Variants in EXD1 observed in about 807,000 individuals in gnomAD.
EXD1 encodes exonuclease 3'-5' domain containing 1.
A neutral mutation model predicts 49.1 loss-of-function variants in EXD1; 63 were observed. The observed-to-expected ratio is 1.28, with a 90% CI of 1.05 to 1.58. The LOEUF (loss-of-function observed/expected upper bound fraction) is 1.58, where lower values mean the gene tolerates loss of function less well. Among genes scored for constraint, EXD1 ranks in the 40% most tolerant of loss-of-function variants. EXD1 has a pLI of 0.00. For missense variants in EXD1, 748 were observed against 666.0 expected (o/e 1.12, Z -1.36); for synonymous variants, 234 against 239.2 (o/e 0.98, Z 0.20).
chr15:41,186,476 A>AAAAAAAAAAAAAAAT (rs1450159952), intron 11 of EXD1, among the ~76,000 whole-genome samples: 1 of 150,966 alleles, frequency 6.6e-6, no homozygotes, highest in South Asian at 2.1e-4. Context: ...GTCTCAAAAA[A>AAAAAAAAAAAAAAAT]AAAAAAAAAA....
At chr15:41,185,949 T>C (rs1218095944) in intron 11 of EXD1, among the ~76,000 whole-genome samples, 1 of 152,236 alleles carries the variant, frequency 6.6e-6, no homozygotes, top group African/African-American at 2.4e-5. Flanking sequence ...CTTCAGTTTT[T>C]AGTTGTATAG....
intron 9 of EXD1, 112 bp downstream of exon 9, chr15:41,195,663 C>CAA (rs33987701): frequency 0.025 from 13,744 of 546,658 alleles, no homozygotes; most frequent in South Asian, 0.035. Flanking sequence ...AATGGAGCAC[C>CAA]AAAAAAAAAA....
intron 5 of EXD1, 25 bp from the exon 6 acceptor site, chr15:41,215,858 T>A: frequency 6.2e-7 from 1 of 1,607,964 alleles, no homozygotes; most frequent in Non-Finnish European, 8.5e-7. Flanking sequence ...TTGCATTAGA[T>A]ATATTTCTCT....
In EXD1 at chr15:41,230,743, C is replaced by T. The variant is rs777754459; in HGVS notation, c.-318G>A. The T allele has an allele frequency of 5.1e-6, 3 of 583,746 alleles. No homozygotes were observed. The highest frequency in any genetic ancestry group is 6.2e-5 in the Admixed American group (2 of 32,166). 36.2% of individuals were successfully genotyped at this position (583,746 alleles called of 1,614,324 possible). The stretch of plus-strand genomic sequence containing the variant: ...CAGAGGCGACGCCCGCCCGGCCCAA[C>T]GTCCAGTCTCGTCTGTTTCCCGAGG... On this transcript the variant is annotated 5_prime_UTR_variant, in exon 1 of 12. Transcript: ENST00000458580.
chr15:41,217,895 A>G (rs1034381856), intron 3 of EXD1, among the ~76,000 whole-genome samples: 2 of 152,158 alleles, frequency 1.3e-5, no homozygotes, highest in Middle Eastern at 3.2e-3. Context: ...TCTCTGTACT[A>G]TCTAGAAGTA....
intron 2 of EXD1, among the ~76,000 whole-genome samples, chr15:41,221,514 T>C (rs946661149): frequency 6.6e-6 from 1 of 151,836 alleles, no homozygotes; most frequent in Non-Finnish European, 1.5e-5. Context: ...GCTCAAGCCA[T>C]CCTTCCACCT....
intron 11 of EXD1, among the ~76,000 whole-genome samples, chr15:41,187,442 AT>A (rs2046429921): frequency 1.3e-5 from 2 of 152,302 alleles, no homozygotes; most frequent in South Asian, 4.1e-4. Flanking sequence ...GGACTTGAGC[AT>A]TATGGGTTTT....
intron 2 of EXD1, among the ~76,000 whole-genome samples, chr15:41,225,445 C>G (rs577028302): frequency 6.6e-6 from 1 of 151,830 alleles, no homozygotes; most frequent in East Asian, 1.9e-4. Context: ...ATTAGCCAGA[C>G]TTGGTGATGG....
chr15:41,199,757 T>TGTATAATATATC lies in EXD1; in HGVS notation c.535-3721_535-3720insGATATATTATAC, dbSNP rs2046689832. Among the ~76,000 whole-genome samples, 11 of 87,240 alleles carry TGTATAATATATC rather than the reference T, an allele frequency of 1.3e-4. 1 individual carries two copies. Among genetic ancestry groups the TGTATAATATATC allele is most frequent in the African/African-American group, 4.3e-4 (10 of 23,106 alleles). 57.2% of individuals were successfully genotyped at this position (87,240 alleles called of 152,430 possible). A position where few individuals can be genotyped will look rare whatever the true frequency, so the allele number is the denominator to read the frequency against. On this transcript the variant is annotated intron_variant, in intron 7 of 11. Coordinates refer to ENST00000458580, the MANE Select transcript of EXD1 (RefSeq NM_001286441.2). ...TATATATGTCATATATTATATATGA[T>TGTATAATATATC]ACATATATGATATATATGTCATATA...
chr15:41,196,020 T>G lies in EXD1; in HGVS notation c.552A>C (p.Arg184=). ...LCWLQVATNC[R]VYLFDIFLLG... ...GAAGGAAAATGTCAAATAAGTAAAC[T>G]CGGCAATTTGTGGCCACCTACAATA... The change falls in exon 8 of 12, where the codon CGA becomes CGC. Residue 184 remains arginine, a synonymous_variant. Coordinates refer to ENST00000458580, the MANE Select transcript of EXD1 (RefSeq NM_001286441.2). 6.2e-7 allele frequency: 1 copy of G among 1,612,786 alleles called. No individual in the cohort carries two copies. Among genetic ancestry groups the G allele is most frequent in the Non-Finnish European group, 8.5e-7 (1 of 1,179,626 alleles).
chr15:41,204,465 C>T (rs956319600), intron 7 of EXD1, among the ~76,000 whole-genome samples: 6 of 151,282 alleles, frequency 4.0e-5, no homozygotes, highest in Non-Finnish European at 7.4e-5. Flanking sequence ...GCAGGAGAAT[C>T]GCTGGAACCC....
At chr15:41,215,878 A>G in intron 5 of EXD1, 45 bp from the exon 6 acceptor site, 1 of 1,588,676 alleles carries the variant, frequency 6.3e-7, no homozygotes, top group Non-Finnish European at 8.6e-7. Flanking sequence ...TTCCTCAGCA[A>G]CAGAATAGCT....
In EXD1 at chr15:41,209,503, G is replaced by C; in HGVS notation, c.532C>G (p.Gln178Glu). ...VCRHGKLCWL[Q>E]VATNCRVYLF... ...AAAAGTTTTCAAAAATCTTTCACCTGCAGCCAGCACAGTTTGCCATGGCGA... is the reference window on the plus strand; with the variant it reads ...AAAAGTTTTCAAAAATCTTTCACCTCCAGCCAGCACAGTTTGCCATGGCGA... The change falls in exon 7 of 12, where the codon CAG becomes GAG. Residue 178 changes from glutamine (Q) to glutamate (E), a missense_variant and splice_region_variant. By Grantham distance (29) the Gln-to-Glu change is conservative (BLOSUM62 2). Transcript: ENST00000458580. 1.2e-6 allele frequency: 2 copies of C among 1,612,990 alleles called. No individual in the cohort carries two copies.
chr15:41,194,058 C>A (rs2046573082), intron 9 of EXD1, among the ~76,000 whole-genome samples: 1 of 133,392 alleles, frequency 7.5e-6, no homozygotes, highest in Non-Finnish European at 1.5e-5. Flanking sequence ...CTCTCCCAGG[C>A]TGGAGTGCAG....
intron 7 of EXD1, among the ~76,000 whole-genome samples, chr15:41,205,003 A>G (rs1181546413): frequency 1.3e-5 from 2 of 152,204 alleles, no homozygotes; most frequent in South Asian, 2.1e-4. Flanking sequence ...ACATTAGATC[A>G]TATCTTTTTG....
At chr15:41,215,739 C>T (rs1386811040) in intron 6 of EXD1, 36 bp downstream of exon 6, 5 of 1,585,844 alleles carry the variant, frequency 3.2e-6, no homozygotes, top group Non-Finnish European at 4.3e-6. Flanking sequence ...TACCTACATA[C>T]AGGCAATACT....
chr15:41,190,241 G>A (rs764860556), intron 10 of EXD1, 113 bp from the exon 11 acceptor site: 95 of 1,079,214 alleles, frequency 8.8e-5, no homozygotes, highest in South Asian at 6.0e-4. Flanking sequence ...CTGGGAGGCT[G>A]AGGCAGGCGG....
At chr15:41,219,748 A>G in intron 3 of EXD1, 82 bp downstream of exon 3, 1 of 1,173,834 alleles carries the variant, frequency 8.5e-7, no homozygotes, top group Admixed American at 2.2e-5. Context: ...AGAATCCATA[A>G]GCACAACATT....
rs71104782 is a variant in EXD1, at chr15:41,199,822, T to TATAATATGTCAATATATGATATATATA, written c.535-3786_535-3785insTATATATATCATATATTGACATATTAT. 1.4e-4 allele frequency among the ~76,000 whole-genome samples: 18 copies of TATAATATGTCAATATATGATATATATA among 131,310 alleles called. No homozygotes were observed. In the East Asian group the frequency reaches 1.9e-3, roughly 14 times the overall value. 86.1% of individuals were successfully genotyped at this position (131,310 alleles called of 152,430 possible). A position where few individuals can be genotyped will look rare whatever the true frequency, so the allele number is the denominator to read the frequency against. On this transcript the variant is annotated intron_variant, in intron 7 of 11. Coordinates refer to ENST00000458580, the MANE Select transcript of EXD1 (RefSeq NM_001286441.2). ...ATATATTATATATGTCATATATAGATATATGTCAATATATGATATATATAA... is the reference window on the plus strand; with the variant it reads ...ATATATTATATATGTCATATATAGATATAATATGTCAATATATGATATATATAATATGTCAATATATGATATATATAA...
Sources: gnomAD v4.1 joint callset for allele counts (sites outside exome capture counted in the v4.1 genomes callset) on GRCh38, gnomAD v4.1.1 for gene constraint, MANE v1.5 for transcripts, NCBI Gene and HGNC (gene_info 2026-07-23, HGNC 2026-07-21) for gene names.